The following CDKL4 variants were observed in gnomAD, a reference collection of about 807,000 sequenced individuals.
CDKL4 encodes cyclin dependent kinase like 4, also known as cyclin-dependent kinase-like 4.
In CDKL4, 44 loss-of-function variants were observed where a neutral mutation model predicts 42.0. The observed-to-expected ratio is 1.05, with a 90% confidence interval of 0.82 to 1.35. The LOEUF (loss-of-function observed/expected upper bound fraction) is 1.35. Ranked by LOEUF, CDKL4 falls within the 40% of genes most tolerant of loss-of-function variation. The pLI, the probability that CDKL4 is intolerant of heterozygous loss-of-function variation, is 0.00. For missense variants in CDKL4, 393 were observed against 369.9 expected (o/e 1.06, Z -0.51); for synonymous variants, 120 against 121.6 (o/e 0.99, Z 0.09).
intron 1 of CDKL4, among the ~76,000 whole-genome samples, chr2:39,233,148 CAA>C (rs1196931867): frequency 1.3e-5 from 2 of 151,112 alleles, no homozygotes; most frequent in Admixed American, 6.6e-5. Flanking sequence ...TGGCAGAACG[CAA>C]AGATATGAGA....
intron 8 of CDKL4, among the ~76,000 whole-genome samples, chr2:39,181,122 C>G (rs1293037742): frequency 6.6e-6 from 1 of 152,138 alleles, no homozygotes; most frequent in Non-Finnish European, 1.5e-5. Context: ...TCCTTCAACC[C>G]ATTATGTATT....
intron 7 of CDKL4, among the ~76,000 whole-genome samples, chr2:39,185,607 C>T (rs550491007): frequency 8.9e-4 from 134 of 150,728 alleles, no homozygotes; most frequent in African/African-American, 3.2e-3. Flanking sequence ...GGACTACAGG[C>T]GCCCACCACA....
intron 4 of CDKL4, among the ~76,000 whole-genome samples, chr2:39,212,755 G>A (rs1332306796): frequency 6.6e-6 from 1 of 152,156 alleles, no homozygotes; most frequent in African/African-American, 2.4e-5. Context: ...TGCCTCCTGG[G>A]TTCAAGTGAT....
chr2:39,172,074 G>T (rs1675014378), downstream of CDKL4, among the ~76,000 whole-genome samples: 1 of 152,130 alleles, frequency 6.6e-6, no homozygotes, highest in South Asian at 2.1e-4. Flanking sequence ...ACTTTGGGAG[G>T]CCGAGGCAGG....
At chr2:39,174,109 A>G (rs891723382), downstream of CDKL4, among the ~76,000 whole-genome samples, 16 of 152,114 alleles carry the variant, frequency 1.1e-4, no homozygotes, top group Admixed American at 1.0e-3. Context: ...CAGCTCACTT[A>G]AAAAGTCCTT....
intron 5 of CDKL4, among the ~76,000 whole-genome samples, chr2:39,204,257 A>T (rs1381957922): frequency 6.6e-6 from 1 of 152,228 alleles, no homozygotes; most frequent in Non-Finnish European, 1.5e-5. Context: ...ACTGTAGATT[A>T]TAAGTGCATG....
At chr2:39,237,693 T>C (rs1679444891) in intron 1 of CDKL4, among the ~76,000 whole-genome samples, 1 of 152,132 alleles carries the variant, frequency 6.6e-6, no homozygotes, top group African/African-American at 2.4e-5. Flanking sequence ...CCCATCTCTA[T>C]AAAATAAATA....
chr2:39,209,714 G>A (rs537746902), intron 4 of CDKL4, among the ~76,000 whole-genome samples: 18 of 152,250 alleles, frequency 1.2e-4, no homozygotes, highest in South Asian at 2.1e-4. Context: ...AGATGATAAG[G>A]TGCACATGGT....
upstream of CDKL4, among the ~76,000 whole-genome samples, chr2:39,246,456 T>G (rs1038573752): frequency 4.6e-5 from 7 of 152,240 alleles, no homozygotes; most frequent in Non-Finnish European, 1.0e-4. Context: ...TGCTCTCCAG[T>G]TTCTGAAACT....
intron 6 of CDKL4, among the ~76,000 whole-genome samples, chr2:39,189,807 GC>G (rs777171900): frequency 6.6e-6 from 1 of 152,228 alleles, no homozygotes; most frequent in Non-Finnish European, 1.5e-5. Context: ...GCGTATTGCT[GC>G]TTTTGCACTA....
chr2:39,182,246 C>T (rs535120727), intron 8 of CDKL4, among the ~76,000 whole-genome samples: 1 of 152,350 alleles, frequency 6.6e-6, no homozygotes, highest in South Asian at 2.1e-4. Context: ...CTGCCTTGGA[C>T]TCCTAAAGTG....
At chr2:39,235,606 G>A (rs1679327240) in intron 1 of CDKL4, among the ~76,000 whole-genome samples, 1 of 152,134 alleles carries the variant, frequency 6.6e-6, no homozygotes, top group Admixed American at 6.5e-5. Context: ...AACTATCTGG[G>A]TGTGGTGGTA....
chr2:39,179,020 T>C, intron 9 of CDKL4, 167 bp downstream of exon 9: 1 of 1,468,600 alleles, frequency 6.8e-7, no homozygotes, highest in South Asian at 1.5e-5. Context: ...TTCATAGTTC[T>C]ATGGTTTTAT....
rs70954795 is a variant in CDKL4, at chr2:39,213,889, TTTTTGTTTTGTTTTG to T, written c.291-432_291-418del. Among the ~76,000 whole-genome samples, 222 of 148,584 alleles carry T rather than the reference TTTTTGTTTTGTTTTG, an allele frequency of 1.5e-3. 1 individual carries two copies. The highest frequency in any genetic ancestry group is 5.0e-3 in the African/African-American group (196 of 38,914). ...TCTCTCCCTGTCTCTCTCTGTACTT[TTTTTGTTTTGTTTTG>T]TTTTGTTTTGTTTTGTTTTGTTTTG... On this transcript the variant is annotated intron_variant, in intron 3 of 9. Transcript: ENST00000451199.
In CDKL4 at chr2:39,221,741, T is replaced by C. The variant is rs552652143; in HGVS notation, c.290+4098A>G. On this transcript the variant is annotated intron_variant, in intron 3 of 9. Transcript: ENST00000451199. ...GCAAAACACATATTCAACAGAGGAGTTGCTTGAACATGCCTTGCTCTTTCT... is the reference window on the plus strand; with the variant it reads ...GCAAAACACATATTCAACAGAGGAGCTGCTTGAACATGCCTTGCTCTTTCT... 2.6e-5 allele frequency among the ~76,000 whole-genome samples: 4 copies of C among 152,096 alleles called. No homozygotes were observed. The South Asian group carries it at 6.2e-4, about 24-fold the overall frequency.
At chr2:39,222,622 T>A (rs1209086389) in intron 3 of CDKL4, among the ~76,000 whole-genome samples, 2 of 151,830 alleles carry the variant, frequency 1.3e-5, no homozygotes, top group Non-Finnish European at 2.9e-5. Flanking sequence ...AATATTATGA[T>A]AGAGACAGTG....
At chr2:39,224,695 G>C (rs1240608188) in intron 3 of CDKL4, among the ~76,000 whole-genome samples, 1 of 151,864 alleles carries the variant, frequency 6.6e-6, no homozygotes, top group Non-Finnish European at 1.5e-5. Context: ...GTAGAGACAG[G>C]GGTTCACCAT....
At chr2:39,222,169 G>A (rs775602763) in intron 3 of CDKL4, among the ~76,000 whole-genome samples, 8 of 151,920 alleles carry the variant, frequency 5.3e-5, no homozygotes, top group Admixed American at 3.3e-4. Context: ...AAACATATAC[G>A]GTATAAATAC....
At chr2:39,234,171 C>T (rs1427999331) in intron 1 of CDKL4, among the ~76,000 whole-genome samples, 1 of 152,028 alleles carries the variant, frequency 6.6e-6, no homozygotes, top group East Asian at 1.9e-4. Context: ...CCTTGGCCTC[C>T]CAAAGTGCTA....
Sources: gnomAD v4.1 joint callset for allele counts (sites outside exome capture counted in the v4.1 genomes callset) on GRCh38, gnomAD v4.1.1 for gene constraint, MANE v1.5 for transcripts, NCBI Gene and HGNC (gene_info 2026-07-23, HGNC 2026-07-21) for gene names.